KLHL26: variants seen among roughly 807,000 people sequenced by gnomAD.
KLHL26 encodes the protein kelch like family member 26, also known as kelch-like protein 26.
A neutral mutation model predicts 7.1 loss-of-function variants in KLHL26; 4 were observed. That is an observed-to-expected ratio of 0.56 (90% CI 0.28 to 1.28). The LOEUF is 1.28. Ranked by LOEUF, KLHL26 falls within the 50% of genes most tolerant of loss-of-function variation. The probability of loss-of-function intolerance (pLI) is 0.11; values close to 1 mark genes in which losing one functional copy is unlikely to be tolerated. For synonymous variants in KLHL26, 465 were observed against 414.1 expected (o/e 1.12, Z -1.49); for missense variants, 896 against 924.6 (o/e 0.97, Z 0.40).
intron 1 of KLHL26, among the ~76,000 whole-genome samples, chr19:18,647,687 AG>A (rs1976830195): frequency 6.6e-6 from 1 of 151,244 alleles, no homozygotes; most frequent in South Asian, 2.1e-4. Flanking sequence ...GAGAATGGGG[AG>A]GGAGAGAGGA....
At chr19:18,652,962 G>A (rs1221186024) in intron 1 of KLHL26, among the ~76,000 whole-genome samples, 9 of 152,218 alleles carry the variant, frequency 5.9e-5, no homozygotes, top group Non-Finnish European at 1.3e-4. Context: ...AGGCCACACA[G>A]TAAACAAGAG....
In KLHL26 at chr19:18,669,003, A is replaced by G. The variant is rs149516056; in HGVS notation, c.1606A>G (p.Thr536Ala). 3.1e-6 allele frequency: 5 copies of G among 1,612,520 alleles called. No individual in the cohort carries two copies. The African/African-American group carries it at 6.7e-5, about 22-fold the overall frequency. ...GGCTGTGGAGTACTATGTGCCGGAG[A>G]CGGACCAGTGGACCAGCGTGAGCCC... Reference protein sequence around the residue: ...VLAVEYYVPETDQWTSVSPMR... With the variant: ...VLAVEYYVPEADQWTSVSPMR... The change falls in exon 3 of 3, where the codon ACG becomes GCG. Residue 536 changes from threonine (T) to alanine (A), a missense_variant. Coordinates refer to ENST00000300976, the MANE Select transcript of KLHL26 (RefSeq NM_018316.3).
chr19:18,668,087 C>T lies in KLHL26; in HGVS notation c.690C>T (p.Ala230=), dbSNP rs200859479. ...CCGAGATCGACCTGTTCCGCGCGGC[C>T]GTCCGCTGGCTGCAGCATGACCCGG... ...SCAEIDLFRA[A]VRWLQHDPAR... The change falls in exon 3 of 3, where the codon GCC becomes GCT. Residue 230 remains alanine, a synonymous_variant. Coordinates refer to ENST00000300976, the MANE Select transcript of KLHL26 (RefSeq NM_018316.3). 6.9e-5 allele frequency: 110 copies of T among 1,605,020 alleles called. No homozygotes were observed. The highest frequency in any genetic ancestry group is 8.7e-5 in the Non-Finnish European group (103 of 1,179,748).
intron 1 of KLHL26, among the ~76,000 whole-genome samples, chr19:18,661,383 C>G (rs2052390363): frequency 6.6e-6 from 1 of 152,136 alleles, no homozygotes; most frequent in East Asian, 1.9e-4. Context: ...GGCAGTAGCT[C>G]CTCTCCTCCC....
chr19:18,639,104 C>T (rs1976667282), intron 1 of KLHL26, among the ~76,000 whole-genome samples: 2 of 151,810 alleles, frequency 1.3e-5, no homozygotes, highest in Non-Finnish European at 2.9e-5. Context: ...GAGACAGAAT[C>T]TTGCTCTGTC....
intron 1 of KLHL26, among the ~76,000 whole-genome samples, chr19:18,654,286 C>T (rs974089243): frequency 1.1e-4 from 16 of 149,286 alleles, no homozygotes; most frequent in Admixed American, 1.1e-3. Context: ...TCCATCTACC[C>T]ATCCACCTGC....
intron 1 of KLHL26, among the ~76,000 whole-genome samples, chr19:18,643,623 CAT>C (rs1180126887): frequency 6.6e-6 from 1 of 151,822 alleles, no homozygotes; most frequent in Non-Finnish European, 1.5e-5. Flanking sequence ...AGATTACAGA[CAT>C]GTGCCACCAT....
At position 18,648,751 on chromosome 19, in the gene KLHL26, T is replaced by C. The variant is rs1976848950; in HGVS notation, c.83+11614T>C. On this transcript the variant is annotated intron_variant, in intron 1 of 2. Coordinates refer to ENST00000300976, the MANE Select transcript of KLHL26 (RefSeq NM_018316.3). This position sits in a 1 kb window ranked among gnomAD's most constrained non-coding sequence, Gnocchi z 4.9. ...CCCTCCTCCTGAGAGAAGGCCTCAGTCTGGCTGCAGCTGCCCAGGAGGTCC... is the reference window on the plus strand; with the variant it reads ...CCCTCCTCCTGAGAGAAGGCCTCAGCCTGGCTGCAGCTGCCCAGGAGGTCC... 6.6e-6 allele frequency among the ~76,000 whole-genome samples: 1 copy of C among 152,132 alleles called. No homozygotes were observed.
At chr19:18,663,326 G>A (rs1291454101) in intron 1 of KLHL26, among the ~76,000 whole-genome samples, 1 of 152,196 alleles carries the variant, frequency 6.6e-6, no homozygotes, top group Non-Finnish European at 1.5e-5. Context: ...GTCTCTGGAA[G>A]GGTGGTCTGA....
intron 1 of KLHL26, among the ~76,000 whole-genome samples, chr19:18,643,106 A>T (rs1465537643): frequency 1.3e-5 from 2 of 149,942 alleles, no homozygotes; most frequent in Non-Finnish European, 3.0e-5. Context: ...TGTTGGGATT[A>T]CAGGCGTGAG....
chr19:18,647,538 A>AGAG (rs1976825930), intron 1 of KLHL26, among the ~76,000 whole-genome samples: 1 of 151,498 alleles, frequency 6.6e-6, no homozygotes, highest in South Asian at 2.1e-4. Flanking sequence ...GAGGAGGAAG[A>AGAG]GAGGAGGAGG....
chr19:18,659,463 T>C (rs1383429668), intron 1 of KLHL26, among the ~76,000 whole-genome samples: 4 of 152,118 alleles, frequency 2.6e-5, no homozygotes, highest in Admixed American at 2.6e-4. Context: ...AAAACCAAAA[T>C]TGGCTTTGAA....
intron 1 of KLHL26, among the ~76,000 whole-genome samples, chr19:18,641,358 G>T: frequency 1.6e-5 from 2 of 121,412 alleles, no homozygotes; most frequent in African/African-American, 3.3e-5. Context: ...TCGCTTTGTT[G>T]CCCAGGCTGG....
intron 1 of KLHL26, among the ~76,000 whole-genome samples, chr19:18,657,740 A>G (rs1450160879): frequency 1.3e-5 from 2 of 152,162 alleles, no homozygotes; most frequent in Non-Finnish European, 2.9e-5. Flanking sequence ...AGGGAGGCAG[A>G]GAACAGCAGG....
At position 18,669,016 on chromosome 19, in the gene KLHL26, C is replaced by T. The variant is rs1243789986; in HGVS notation, c.1619C>T (p.Thr540Ile). The change falls in exon 3 of 3, where the codon ACC becomes ATC. Residue 540 changes from threonine to isoleucine, a missense_variant. By Grantham distance (89) the Thr-to-Ile change is moderately conservative. Transcript: ENST00000300976. ...TATGTGCCGGAGACGGACCAGTGGA[C>T]CAGCGTGAGCCCCATGCGGGCCGGC... ...EYYVPETDQW[T>I]SVSPMRAGQS... The T allele has an allele frequency of 6.2e-7, 1 of 1,612,648 alleles. No homozygotes were observed. Among genetic ancestry groups the T allele is most frequent in the Non-Finnish European group, 8.5e-7 (1 of 1,179,964 alleles).
chr19:18,651,678 C>T (rs1007306031), intron 1 of KLHL26, among the ~76,000 whole-genome samples: 1 of 152,280 alleles, frequency 6.6e-6, no homozygotes, highest in South Asian at 2.1e-4. Context: ...CCTTCTGGGG[C>T]TTCAACACCT....
At position 18,670,943 on chromosome 19, in the gene KLHL26, C is replaced by T. The variant is rs2052520624; in HGVS notation, c.*1698C>T. 1 of 152,236 alleles carries T rather than the reference C, an allele frequency of 6.6e-6. No individual in the cohort carries two copies. Among genetic ancestry groups the T allele is most frequent in the South Asian group, 2.1e-4 (1 of 4,818 alleles). The allele number at this position is 152,236 out of a possible 1,614,324, so 9.4% of individuals were successfully genotyped here. Reference sequence around the variant, plus strand: ...GGCCAGGCTGGCCTTGAACTCTTGACCTCAGGTGATCCACCTGCCTCTGCC... The same window carrying T: ...GGCCAGGCTGGCCTTGAACTCTTGATCTCAGGTGATCCACCTGCCTCTGCC... On this transcript the variant is annotated 3_prime_UTR_variant, in exon 3 of 3. Coordinates refer to ENST00000300976, the MANE Select transcript of KLHL26 (RefSeq NM_018316.3).
Position 18,637,083 on chromosome 19 carries a change from G to A in KLHL26, c.29G>A (p.Gly10Asp), listed in dbSNP as rs368090804. The change falls in exon 1 of 3, where the codon GGT becomes GAT. Residue 10 changes from glycine to aspartate, a missense_variant. By Grantham distance (94) the Gly-to-Asp change is moderately conservative. Coordinates refer to ENST00000300976, the MANE Select transcript of KLHL26 (RefSeq NM_018316.3). MAESGGSSG[G>D]AGGGGAFGAG... ...GCGGAGTCCGGCGGTAGCAGCGGTG[G>A]TGCTGGTGGCGGCGGCGCTTTCGGC... is the stretch of plus-strand genomic sequence containing the variant. 11 of 1,389,304 alleles carry A rather than the reference G, an allele frequency of 7.9e-6. No individual in the cohort carries two copies. The East Asian group carries it at 1.5e-4, about 19-fold the overall frequency. 86.1% of individuals were successfully genotyped at this position (1,389,304 alleles called of 1,614,324 possible). A position where few individuals can be genotyped will look rare whatever the true frequency, so the allele number is the denominator to read the frequency against.
Position 18,668,060 on chromosome 19 carries a change from T to C in KLHL26, c.663T>C (p.Cys221=). 3 of 1,607,282 alleles carry C rather than the reference T, an allele frequency of 1.9e-6. No homozygotes were observed. The highest frequency in any genetic ancestry group is 2.5e-6 in the Non-Finnish European group (3 of 1,179,872). ...FFLQSNRLQS[C]AEIDLFRAAV... ...TGCAGAGCAACCGGCTGCAGAGCTG[T>C]GCCGAGATCGACCTGTTCCGCGCGG... Residue 221 remains cysteine (C), a synonymous_variant, in exon 3 of 3, where the codon TGT becomes TGC. Coordinates refer to ENST00000300976, the MANE Select transcript of KLHL26 (RefSeq NM_018316.3).
Sources: allele counts gnomAD v4.1 joint callset (sites outside exome capture counted in the v4.1 genomes callset), GRCh38; gene constraint gnomAD v4.1.1; non-coding constraint Gnocchi (gnomAD v3.1); transcripts MANE v1.5; gene names NCBI Gene and HGNC (gene_info 2026-07-23, HGNC 2026-07-21).